ERGIC1: variants seen among roughly 807,000 people sequenced by gnomAD.
ERGIC1 encodes the protein endoplasmic reticulum-Golgi intermediate compartment protein 1.
Under a neutral mutation model 38.3 loss-of-function variants are expected in ERGIC1, and 19 were observed. That is an observed-to-expected ratio of 0.50 (90% confidence interval 0.35 to 0.73). ERGIC1 has a LOEUF of 0.73. Among genes scored for constraint, ERGIC1 ranks in the 30% least tolerant of loss-of-function variants. The pLI is 0.01. For synonymous variants in ERGIC1, 124 were observed against 157.6 expected (o/e 0.79, Z 1.60); for missense variants, 294 against 389.2 (o/e 0.76, Z 2.06).
intron 4 of ERGIC1, among the ~76,000 whole-genome samples, chr5:172,913,166 C>T (rs995756449): frequency 1.3e-5 from 2 of 152,252 alleles, no homozygotes; most frequent in African/African-American, 4.8e-5. Context: ...GCGCTAGTAA[C>T]TCAGCCACTG....
intron 2 of ERGIC1, 23 bp from the exon 3 acceptor site, chr5:172,896,979 T>G (rs747647341): frequency 3.7e-6 from 6 of 1,612,532 alleles, no homozygotes; most frequent in Non-Finnish European, 5.1e-6. Flanking sequence ...CTTAACAGTT[T>G]GCATTTCTGT....
At chr5:172,841,085 G>C (rs565638967) in intron 1 of ERGIC1, among the ~76,000 whole-genome samples, 340 of 152,306 alleles carry the variant, frequency 2.2e-3, no homozygotes, top group African/African-American at 7.7e-3. Flanking sequence ...GGGAAACACA[G>C]CCCTAATTGA....
intron 1 of ERGIC1, among the ~76,000 whole-genome samples, chr5:172,854,783 C>G (rs1048799286): frequency 2.0e-5 from 3 of 152,246 alleles, no homozygotes. Flanking sequence ...GTATGTACAG[C>G]TCACATGTAT....
rs1394366081 is a variant in ERGIC1 at position 172,932,485 on chromosome 5, G to A, written c.591G>A (p.Glu197=). The A allele has an allele frequency of 6.2e-7, 1 of 1,614,224 alleles. No homozygotes were observed. The highest frequency in any genetic ancestry group is 1.3e-5 in the African/African-American group (1 of 75,066). The change falls in exon 8 of 10, where the codon GAG becomes GAA. Residue 197 remains glutamate (E), a synonymous_variant. Coordinates refer to ENST00000393784, the MANE Select transcript of ERGIC1 (RefSeq NM_001031711.3). ...YILKIVPTVY[E]DKSGKQRYSY... is the part of the protein sequence containing the mutation. Reference sequence around the variant, plus strand: ...TGAAGATTGTGCCCACGGTTTATGAGGACAAGAGTGGCAAGCAGCGGTACT... The same window carrying A: ...TGAAGATTGTGCCCACGGTTTATGAAGACAAGAGTGGCAAGCAGCGGTACT...
chr5:172,910,520 C>CTT lies in ERGIC1; in HGVS notation c.250+779_250+780dup, dbSNP rs58360974. Reference sequence around the variant, plus strand: ...TTTTAACCAAAAGAATGAATTACTTCTTTTTTTTTTTTTTTTTTTTTGAGA... The same window carrying CTT: ...TTTTAACCAAAAGAATGAATTACTTCTTTTTTTTTTTTTTTTTTTTTTTGAGA... On this transcript the variant is annotated intron_variant, in intron 4 of 9. Coordinates refer to ENST00000393784, the MANE Select transcript of ERGIC1 (RefSeq NM_001031711.3). Among the ~76,000 whole-genome samples, 103 of 139,014 alleles carry CTT rather than the reference C, an allele frequency of 7.4e-4. 2 individuals carry two copies. Among genetic ancestry groups the CTT allele is most frequent in the African/African-American group, 2.3e-3 (80 of 35,538 alleles). 91.2% of individuals were successfully genotyped at this position (139,014 alleles called of 152,430 possible). A position where few individuals can be genotyped will look rare whatever the true frequency, so the allele number is the denominator to read the frequency against.
At chr5:172,905,972 C>G (rs1453744257) in intron 3 of ERGIC1, 4 of 432,472 alleles carry the variant, frequency 9.2e-6, no homozygotes, top group Non-Finnish European at 1.9e-5. Context: ...CCTGATTGGT[C>G]AGGTGTGAGC....
intron 1 of ERGIC1, among the ~76,000 whole-genome samples, chr5:172,887,460 A>T (rs13171592): frequency 6.6e-6 from 1 of 152,058 alleles, no homozygotes; most frequent in African/African-American, 2.4e-5. Flanking sequence ...CCGTGGCCTC[A>T]CAGGGTCTAG....
chr5:172,919,117 G>A (rs912861904), intron 5 of ERGIC1, among the ~76,000 whole-genome samples: 1 of 152,220 alleles, frequency 6.6e-6, no homozygotes, highest in Non-Finnish European at 1.5e-5. Context: ...GGTGGCCCAT[G>A]TTCTATAACG....
intron 8 of ERGIC1, chr5:172,934,969 C>G: frequency 1.7e-6 from 1 of 578,562 alleles, no homozygotes; most frequent in Non-Finnish European, 3.1e-6. Flanking sequence ...TGGTCAATTT[C>G]TAAACAACCA....
chr5:172,886,057 C>G (rs764712709), intron 1 of ERGIC1, among the ~76,000 whole-genome samples: 1 of 151,976 alleles, frequency 6.6e-6, no homozygotes, highest in East Asian at 1.9e-4. Flanking sequence ...TCTCTCCATT[C>G]CCTCTCCCCA....
chr5:172,836,685 C>A (rs1175779261), intron 1 of ERGIC1, among the ~76,000 whole-genome samples: 1 of 152,136 alleles, frequency 6.6e-6, no homozygotes, highest in Admixed American at 6.5e-5. Flanking sequence ...CTGCCACAGG[C>A]CCCACCGTGA....
chr5:172,935,695 T>C (rs886357464), intron 9 of ERGIC1: 9 of 178,794 alleles, frequency 5.0e-5, no homozygotes, highest in Non-Finnish European at 9.6e-5. Flanking sequence ...ACTCATTTTT[T>C]TTTCCAGGTC....
At chr5:172,902,051 G>A (rs1175307020) in intron 3 of ERGIC1, among the ~76,000 whole-genome samples, 4 of 152,148 alleles carry the variant, frequency 2.6e-5, no homozygotes, top group South Asian at 2.1e-4. Context: ...AGTCAAACAC[G>A]GGTCTGTGAT....
At chr5:172,848,826 A>G (rs1761338852) in intron 1 of ERGIC1, among the ~76,000 whole-genome samples, 1 of 152,304 alleles carries the variant, frequency 6.6e-6, no homozygotes, top group South Asian at 2.1e-4. Flanking sequence ...TGTGTTTGGA[A>G]AATGTTTCTA....
intron 9 of ERGIC1, among the ~76,000 whole-genome samples, chr5:172,942,796 G>A (rs1764040621): frequency 6.6e-6 from 1 of 152,104 alleles, no homozygotes; most frequent in Non-Finnish European, 1.5e-5. Flanking sequence ...GAGACCGAGT[G>A]GGCTCCATTT....
At chr5:172,866,403 C>T (rs1333163481) in intron 1 of ERGIC1, among the ~76,000 whole-genome samples, 1 of 152,178 alleles carries the variant, frequency 6.6e-6, no homozygotes, top group East Asian at 1.9e-4. Context: ...GCCTAATTTC[C>T]TGTGTCCACT....
chr5:172,862,936 G>A (rs929896854), intron 1 of ERGIC1, among the ~76,000 whole-genome samples: 9 of 152,204 alleles, frequency 5.9e-5, no homozygotes, highest in African/African-American at 1.9e-4. Flanking sequence ...CAGAGCTATT[G>A]CTGGTAGACA....
intron 1 of ERGIC1, among the ~76,000 whole-genome samples, chr5:172,876,992 T>A (rs1293267226): frequency 2.6e-5 from 4 of 152,232 alleles, no homozygotes; most frequent in Non-Finnish European, 5.9e-5. Context: ...TTTTATTACT[T>A]GAGCTTTTTG....
At chr5:172,858,073 G>T (rs986461240) in intron 1 of ERGIC1, among the ~76,000 whole-genome samples, 1 of 152,208 alleles carries the variant, frequency 6.6e-6, no homozygotes, top group East Asian at 1.9e-4. Flanking sequence ...AAAGCAGGGG[G>T]CTGTGAGGCC....
Sources: gnomAD v4.1 joint callset for allele counts (sites outside exome capture counted in the v4.1 genomes callset) on GRCh38, gnomAD v4.1.1 for gene constraint, MANE v1.5 for transcripts, NCBI Gene and HGNC (gene_info 2026-07-23, HGNC 2026-07-21) for gene names.